The following CABCOCO1 variants were observed in gnomAD, a reference collection of about 807,000 sequenced individuals.
The protein encoded by CABCOCO1 is ciliary-associated calcium-binding coiled-coil protein 1.
CABCOCO1 carries 28 observed loss-of-function variants against 35.7 expected under a neutral mutation model. The observed-to-expected ratio is 0.78, with a 90% CI of 0.58 to 1.07. The LOEUF (loss-of-function observed/expected upper bound fraction) is 1.07. Among genes scored for constraint, CABCOCO1 ranks in the 50% least tolerant of loss-of-function variants. The pLI, the probability that CABCOCO1 is intolerant of heterozygous loss-of-function variation, is 0.00. For synonymous variants in CABCOCO1, 95 were observed against 100.1 expected, an observed-to-expected ratio of 0.95 and a Z score of 0.30; for missense variants, 326 against 309.2, an observed-to-expected ratio of 1.05 and a Z score of -0.41.
chr10:61,682,570 T>A (rs1839827009), intron 3 of CABCOCO1, among the ~76,000 whole-genome samples: 1 of 152,198 alleles, frequency 6.6e-6, no homozygotes, highest in Non-Finnish European at 1.5e-5. Flanking sequence ...TGTAGAATAT[T>A]TTTTATTTCT....
intron 5 of CABCOCO1, among the ~76,000 whole-genome samples, chr10:61,725,058 T>C (rs1324531294): frequency 4.6e-5 from 7 of 152,250 alleles, no homozygotes. Context: ...TATTTTACTG[T>C]TGTAGTGTTT....
At chr10:61,714,905 A>G (rs1840822910) in intron 5 of CABCOCO1, among the ~76,000 whole-genome samples, 1 of 152,054 alleles carries the variant, frequency 6.6e-6, no homozygotes, top group Admixed American at 6.6e-5. Flanking sequence ...GTTCTTTTAC[A>G]TTTGCTGAGG....
intron 2 of CABCOCO1, among the ~76,000 whole-genome samples, chr10:61,677,459 T>C (rs1249661521): frequency 6.6e-6 from 1 of 152,210 alleles, no homozygotes; most frequent in African/African-American, 2.4e-5. Flanking sequence ...GAAGGCTTCC[T>C]ATTTCTCCTT....
At chr10:61,734,681 G>A (rs1589146995) in intron 5 of CABCOCO1, among the ~76,000 whole-genome samples, 2 of 152,186 alleles carry the variant, frequency 1.3e-5, no homozygotes, top group South Asian at 4.1e-4. Context: ...AAGTTTAAAT[G>A]TCTGTAATTA....
At chr10:61,733,030 C>A (rs1173100903) in intron 5 of CABCOCO1, among the ~76,000 whole-genome samples, 1 of 151,978 alleles carries the variant, frequency 6.6e-6, no homozygotes, top group Non-Finnish European at 1.5e-5. Flanking sequence ...TCTACATTTA[C>A]TAAGATTTAT....
chr10:61,731,764 G>C (rs1463627386), intron 5 of CABCOCO1, among the ~76,000 whole-genome samples: 1 of 132,604 alleles, frequency 7.5e-6, no homozygotes, highest in Non-Finnish European at 1.6e-5. Flanking sequence ...AGGACAGAGG[G>C]AGGAAGGGAA....
At chr10:61,723,324 A>G (rs933873598) in intron 5 of CABCOCO1, among the ~76,000 whole-genome samples, 1 of 152,250 alleles carries the variant, frequency 6.6e-6, no homozygotes, top group Non-Finnish European at 1.5e-5. Context: ...AAATACGAAT[A>G]TAAGAATATT....
intron 5 of CABCOCO1, among the ~76,000 whole-genome samples, chr10:61,721,769 C>G (rs910557344): frequency 6.6e-6 from 1 of 152,158 alleles, no homozygotes; most frequent in Non-Finnish European, 1.5e-5. Flanking sequence ...CCATAGAATT[C>G]AGTGTCACAA....
At chr10:61,718,110 G>A (rs978056303) in intron 5 of CABCOCO1, among the ~76,000 whole-genome samples, 5 of 152,074 alleles carry the variant, frequency 3.3e-5, no homozygotes, top group African/African-American at 9.7e-5. Context: ...ATGTACTAAC[G>A]GAACCTTTAC....
intron 6 of CABCOCO1, 56 bp from the exon 7 acceptor site, chr10:61,760,807 T>C: frequency 6.5e-7 from 1 of 1,539,862 alleles, no homozygotes; most frequent in Non-Finnish European, 8.8e-7. Flanking sequence ...AGGTTCCATA[T>C]AAATCACCGA....
intron 5 of CABCOCO1, among the ~76,000 whole-genome samples, chr10:61,741,832 T>G (rs979796584): frequency 3.3e-5 from 5 of 152,228 alleles, no homozygotes; most frequent in Non-Finnish European, 7.3e-5. Context: ...TTTGTCAGCT[T>G]TTTAATAAAA....
chr10:61,760,629 A>G (rs1841989957), intron 6 of CABCOCO1, among the ~76,000 whole-genome samples: 1 of 152,020 alleles, frequency 6.6e-6, no homozygotes, highest in African/African-American at 2.4e-5. Flanking sequence ...GGAAGGGAGA[A>G]CATCAGGACA....
At chr10:61,732,359 C>T (rs899313239) in intron 5 of CABCOCO1, among the ~76,000 whole-genome samples, 18 of 151,776 alleles carry the variant, frequency 1.2e-4, no homozygotes, top group African/African-American at 4.4e-4. Flanking sequence ...AAATATGATG[C>T]CATCAATGTC....
At chr10:61,765,284 T>C (rs985796621) in intron 7 of CABCOCO1, among the ~76,000 whole-genome samples, 2 of 152,218 alleles carry the variant, frequency 1.3e-5, no homozygotes, top group African/African-American at 4.8e-5. Flanking sequence ...AACGTATTTA[T>C]GGAATTGTGC....
At chr10:61,686,014 TTAAGA>T in intron 3 of CABCOCO1, 22 bp from the exon 4 acceptor site, 1 of 1,567,546 alleles carries the variant, frequency 6.4e-7, no homozygotes, top group Non-Finnish European at 8.6e-7. Context: ...AAAATAATAA[TTAAGA>T]TTTCTCTGGA....
intron 7 of CABCOCO1, among the ~76,000 whole-genome samples, chr10:61,761,302 C>T (rs1332422146): frequency 2.6e-5 from 4 of 151,976 alleles, no homozygotes; most frequent in Non-Finnish European, 5.9e-5. Flanking sequence ...GTTGCTTATG[C>T]AAAAGGAATT....
Position 61,681,253 on chromosome 10 carries a change from C to G in CABCOCO1, c.275C>G (p.Ser92Cys). ...GFLWARGMDF[S>C]IIQYSKFMTL... ...TTGTGGGCTAGAGGAATGGATTTCTCTATTATTCAGTATTCAAAATTTATG... is the reference window on the plus strand; with the variant it reads ...TTGTGGGCTAGAGGAATGGATTTCTGTATTATTCAGTATTCAAAATTTATG... The change falls in exon 3 of 8, where the codon TCT (serine) becomes TGT (cysteine). Residue 92 changes from serine (S) to cysteine (C), a missense_variant. Physicochemically the swap from Ser to Cys is moderately radical, Grantham distance 112. Transcript: ENST00000648843. The G allele has an allele frequency of 6.4e-7, 1 of 1,570,636 alleles. No individual in the cohort carries two copies. The highest frequency in any genetic ancestry group is 8.7e-7 in the Non-Finnish European group (1 of 1,150,932).
chr10:61,717,271 G>A (rs929485400), intron 5 of CABCOCO1, among the ~76,000 whole-genome samples: 1 of 152,028 alleles, frequency 6.6e-6, no homozygotes, highest in Non-Finnish European at 1.5e-5. Flanking sequence ...AAAGAACTTT[G>A]GAATAAAGGG....
At chr10:61,680,967 C>T (rs1223205836) in intron 2 of CABCOCO1, among the ~76,000 whole-genome samples, 176 bp from the exon 3 acceptor site, 4 of 151,430 alleles carry the variant, frequency 2.6e-5, no homozygotes, top group South Asian at 2.1e-4. Context: ...CCCCCATCCT[C>T]GTTCTCTCTC....
Sources: gnomAD v4.1 joint callset for allele counts (sites outside exome capture counted in the v4.1 genomes callset) on GRCh38, gnomAD v4.1.1 for gene constraint, MANE v1.5 for transcripts, NCBI Gene and HGNC (gene_info 2026-07-23, HGNC 2026-07-21) for gene names.